The following NKAIN3 variants were observed in gnomAD, a reference collection of about 807,000 sequenced individuals.
NKAIN3 encodes sodium/potassium-transporting ATPase subunit beta-1-interacting protein 3.
In NKAIN3, 25 loss-of-function variants were observed where a neutral mutation model predicts 30.2. That is an observed-to-expected ratio of 0.83 (90% CI 0.60 to 1.16). NKAIN3 has a LOEUF of 1.16. Ranked by LOEUF, NKAIN3 falls within the 50% of genes most tolerant of loss-of-function variation. The pLI is 0.00. For synonymous variants in NKAIN3, 91 were observed against 89.6 expected, an observed-to-expected ratio of 1.02 and a Z score of -0.09; for missense variants, 225 against 254.1, an observed-to-expected ratio of 0.89 and a Z score of 0.78.
intron 1 of NKAIN3, among the ~76,000 whole-genome samples, chr8:62,469,462 C>T (rs781194359): frequency 1.3e-5 from 2 of 152,074 alleles, no homozygotes; most frequent in African/African-American, 4.8e-5. Context: ...TACTCTACTG[C>T]CCCACTGGTT....
chr8:62,417,163 T>C (rs1484726706), intron 1 of NKAIN3, among the ~76,000 whole-genome samples: 1 of 152,092 alleles, frequency 6.6e-6, no homozygotes, highest in African/African-American at 2.4e-5. Flanking sequence ...TTCTGCTCTC[T>C]ATCTCCATGA....
At chr8:62,295,790 A>G (rs1012902968) in intron 1 of NKAIN3, among the ~76,000 whole-genome samples, 3 of 151,952 alleles carry the variant, frequency 2.0e-5, no homozygotes, top group African/African-American at 7.2e-5. Flanking sequence ...CATTTAATTA[A>G]TTAATTATAT....
intron 1 of NKAIN3, among the ~76,000 whole-genome samples, chr8:62,445,825 A>G (rs1805471965): frequency 6.6e-6 from 1 of 152,160 alleles, no homozygotes; most frequent in Non-Finnish European, 1.5e-5. Context: ...ACTGGGAGTT[A>G]GTTATTTCTT....
chr8:62,270,362 A>C (rs551994567), intron 1 of NKAIN3, among the ~76,000 whole-genome samples: 1 of 152,252 alleles, frequency 6.6e-6, no homozygotes, highest in South Asian at 2.1e-4. Context: ...GATTACAGTC[A>C]TGAGCCCCTG....
intron 4 of NKAIN3, among the ~76,000 whole-genome samples, chr8:62,753,784 T>C (rs186786695): frequency 3.6e-4 from 55 of 152,238 alleles, no homozygotes; most frequent in African/African-American, 1.2e-3. Flanking sequence ...AAGAAAATAA[T>C]TCAACAGAAA....
chr8:62,693,955 A>AT (rs1332484075), intron 3 of NKAIN3, among the ~76,000 whole-genome samples: 1 of 152,168 alleles, frequency 6.6e-6, no homozygotes, highest in African/African-American at 2.4e-5. Flanking sequence ...TTGAATTCAT[A>AT]TTTTTATTGA....
chr8:62,338,620 A>G (rs970374774), intron 1 of NKAIN3, among the ~76,000 whole-genome samples: 1 of 151,964 alleles, frequency 6.6e-6, no homozygotes, highest in Non-Finnish European at 1.5e-5. Flanking sequence ...AGGGGAGTTT[A>G]TTAAGTATTA....
At chr8:62,912,797 G>T (rs199517180) in intron 4 of NKAIN3, among the ~76,000 whole-genome samples, 1 of 151,794 alleles carries the variant, frequency 6.6e-6, no homozygotes, top group African/African-American at 2.4e-5. Context: ...TAATCCCAGC[G>T]ACTCGGGAGG....
At chr8:62,641,819 A>G (rs761345457) in intron 3 of NKAIN3, among the ~76,000 whole-genome samples, 8 of 152,150 alleles carry the variant, frequency 5.3e-5, no homozygotes, top group Non-Finnish European at 1.0e-4. Context: ...CTGTGCTACA[A>G]ATCTTATATG....
At chr8:62,599,721 C>T (rs16929234) in intron 3 of NKAIN3, among the ~76,000 whole-genome samples, 2,107 of 152,168 alleles carry the variant, frequency 0.014, 42 homozygotes, top group African/African-American at 0.043. Flanking sequence ...ATTTTAACTT[C>T]ACAGCTGTAA....
chr8:62,309,196 T>G (rs912728490), intron 1 of NKAIN3, among the ~76,000 whole-genome samples: 1 of 150,766 alleles, frequency 6.6e-6, no homozygotes, highest in Non-Finnish European at 1.5e-5. Context: ...ATAATATTTG[T>G]ACACCTGTTA....
intron 1 of NKAIN3, among the ~76,000 whole-genome samples, chr8:62,491,762 C>G (rs1332644889): frequency 6.6e-6 from 1 of 152,066 alleles, no homozygotes; most frequent in African/African-American, 2.4e-5. Context: ...AAGAGAATTA[C>G]TCAGTATTGT....
chr8:62,890,444 G>T (rs1821267892), intron 4 of NKAIN3, among the ~76,000 whole-genome samples: 1 of 152,178 alleles, frequency 6.6e-6, no homozygotes, highest in Non-Finnish European at 1.5e-5. Flanking sequence ...ACAATTCTCT[G>T]TTCAGGCCAG....
At chr8:62,817,797 C>T (rs1372597005) in intron 4 of NKAIN3, among the ~76,000 whole-genome samples, 1 of 152,166 alleles carries the variant, frequency 6.6e-6, no homozygotes, top group Non-Finnish European at 1.5e-5. Context: ...ATCCACATTT[C>T]TCTCTAAAGA....
In NKAIN3 at chr8:62,981,737, A is replaced by G. The variant is rs1382576190; in HGVS notation, c.*16330A>G. 4 of 148,162 alleles carry G rather than the reference A, an allele frequency of 2.7e-5. No individual in the cohort carries two copies. The highest frequency in any genetic ancestry group is 1.0e-4 in the African/African-American group (4 of 40,108). 9.2% of individuals were successfully genotyped at this position (148,162 alleles called of 1,614,324 possible). ...TGTGGCAACCTTATGTATCCACAAC[A>G]GAACTAAGGACCGAAAAAAAAAAAA... is the stretch of plus-strand genomic sequence containing the variant. On this transcript the variant is annotated 3_prime_UTR_variant, in exon 7 of 7. Transcript: ENST00000623646.
At chr8:62,849,802 G>C (rs1819825063) in intron 4 of NKAIN3, among the ~76,000 whole-genome samples, 1 of 151,976 alleles carries the variant, frequency 6.6e-6, no homozygotes, top group South Asian at 2.1e-4. Context: ...TTTTATGGCT[G>C]CATAGTATTC....
chr8:62,787,681 T>G, intron 4 of NKAIN3, among the ~76,000 whole-genome samples: 1 of 151,976 alleles, frequency 6.6e-6, no homozygotes, highest in Non-Finnish European at 1.5e-5. Context: ...CCTCCCCACT[T>G]CCCCCACCCC....
At chr8:62,839,421 A>T (rs1476076643) in intron 4 of NKAIN3, among the ~76,000 whole-genome samples, 1 of 152,112 alleles carries the variant, frequency 6.6e-6, no homozygotes, top group Non-Finnish European at 1.5e-5. Context: ...GGTAGAAAAA[A>T]AACAAAACAT....
At chr8:62,317,743 T>G (rs747022885) in intron 1 of NKAIN3, among the ~76,000 whole-genome samples, 15 of 152,256 alleles carry the variant, frequency 9.9e-5, no homozygotes, top group Non-Finnish European at 8.8e-5. Context: ...TGGCTTAGGA[T>G]TGACTTGGCA....
Sources: allele counts gnomAD v4.1 joint callset (sites outside exome capture counted in the v4.1 genomes callset), GRCh38; gene constraint gnomAD v4.1.1; transcripts MANE v1.5; gene names NCBI Gene and HGNC (gene_info 2026-07-23, HGNC 2026-07-21).